Variants in LUZP2 observed in about 807,000 individuals in gnomAD.
LUZP2 encodes the protein leucine zipper protein 2.
Under a neutral mutation model 51.6 loss-of-function variants are expected in LUZP2, and 52 were observed. The observed-to-expected ratio is 1.01, with a 90% confidence interval of 0.81 to 1.27. The LOEUF (loss-of-function observed/expected upper bound fraction) is 1.27, where lower values mean the gene tolerates loss of function less well. Among genes scored for constraint, LUZP2 ranks in the 50% most tolerant of loss-of-function variants. The probability of loss-of-function intolerance (pLI) is 0.00; values close to 1 mark genes in which losing one functional copy is unlikely to be tolerated. For missense variants in LUZP2, 436 were observed against 395.4 expected (o/e 1.10, Z -0.87); for synonymous variants, 154 against 137.3 (o/e 1.12, Z -0.85).
chr11:24,948,687 C>T (rs1044325969), intron 7 of LUZP2, among the ~76,000 whole-genome samples: 4 of 151,620 alleles, frequency 2.6e-5, no homozygotes, highest in Non-Finnish European at 5.9e-5. Context: ...CCTTGTGAAC[C>T]CACCGCTTAT....
intron 1 of LUZP2, among the ~76,000 whole-genome samples, chr11:24,676,041 A>T (rs568242566): frequency 1.7e-4 from 26 of 151,742 alleles, no homozygotes; most frequent in Non-Finnish European, 3.4e-4. Flanking sequence ...CTAGTCTCGA[A>T]CTCCTAACCT....
intron 1 of LUZP2, among the ~76,000 whole-genome samples, chr11:24,556,449 T>C (rs762444210): frequency 1.3e-5 from 2 of 152,112 alleles, no homozygotes; most frequent in Non-Finnish European, 2.9e-5. Flanking sequence ...TGACATATTA[T>C]ATCAAAGAAA....
At chr11:24,554,468 T>C (rs1043144394) in intron 1 of LUZP2, among the ~76,000 whole-genome samples, 1 of 152,114 alleles carries the variant, frequency 6.6e-6, no homozygotes, top group Non-Finnish European at 1.5e-5. Flanking sequence ...TTAGATTTTA[T>C]AACATAATTA....
chr11:24,795,149 G>A (rs1359661328), intron 5 of LUZP2, among the ~76,000 whole-genome samples: 1 of 151,986 alleles, frequency 6.6e-6, no homozygotes, highest in Non-Finnish European at 1.5e-5. Context: ...GTAATCATAT[G>A]GACAATATAC....
At chr11:24,690,594 T>C (rs919030465) in intron 1 of LUZP2, among the ~76,000 whole-genome samples, 5 of 152,176 alleles carry the variant, frequency 3.3e-5, no homozygotes, top group African/African-American at 1.2e-4. Context: ...TGCTTCCTTT[T>C]GTGTCTAATA....
chr11:24,854,817 A>G (rs892300199), intron 5 of LUZP2, among the ~76,000 whole-genome samples: 1 of 152,138 alleles, frequency 6.6e-6, no homozygotes, highest in African/African-American at 2.4e-5. Flanking sequence ...GAAAAACATA[A>G]TATCTGGGCT....
chr11:24,615,330 C>A (rs369909252), intron 1 of LUZP2, among the ~76,000 whole-genome samples: 2 of 151,712 alleles, frequency 1.3e-5, no homozygotes, highest in African/African-American at 4.8e-5. Flanking sequence ...AGTTCTTGAT[C>A]CCTGGCAACC....
chr11:24,940,225 T>C (rs186437422), intron 7 of LUZP2, among the ~76,000 whole-genome samples: 348 of 152,306 alleles, frequency 2.3e-3, no homozygotes, highest in African/African-American at 8.0e-3. Flanking sequence ...GGAAACTATA[T>C]TGCTGCTTAA....
At chr11:24,643,691 G>A (rs1487244350) in intron 1 of LUZP2, among the ~76,000 whole-genome samples, 1 of 152,140 alleles carries the variant, frequency 6.6e-6, no homozygotes, top group Non-Finnish European at 1.5e-5. Context: ...AAGGCTAGTA[G>A]GAGATGGTGG....
intron 1 of LUZP2, among the ~76,000 whole-genome samples, chr11:24,628,653 G>A (rs1233908255): frequency 6.6e-6 from 1 of 152,090 alleles, no homozygotes; most frequent in Non-Finnish European, 1.5e-5. Flanking sequence ...CCACCTCCCA[G>A]GTTCAGGCGA....
At chr11:24,546,543 T>G (rs932571497) in intron 1 of LUZP2, among the ~76,000 whole-genome samples, 5 of 152,086 alleles carry the variant, frequency 3.3e-5, no homozygotes, top group African/African-American at 1.2e-4. Context: ...TGGGTATTGT[T>G]TTTAATTCTG....
intron 1 of LUZP2, among the ~76,000 whole-genome samples, chr11:24,722,500 C>T (rs1165586252): frequency 1.3e-5 from 2 of 152,098 alleles, no homozygotes; most frequent in African/African-American, 4.8e-5. Flanking sequence ...CCACCAGGTT[C>T]CTCCCACAAC....
In LUZP2 at chr11:24,725,504, A is replaced by G. The variant is rs368394747; in HGVS notation, c.63-3665A>G. On this transcript the variant is annotated intron_variant, in intron 1 of 11. Transcript: ENST00000336930. ...GATACATTTTTATAAATGTACATAA[A>G]CTTTTAAATAACATGGGTTGGAGAA... Among the ~76,000 whole-genome samples the G allele has an allele frequency of 7.0e-4, 107 of 152,224 alleles. 2 individuals carry two copies. The South Asian group carries it at 0.015, about 22-fold the overall frequency.
intron 9 of LUZP2, among the ~76,000 whole-genome samples, chr11:24,985,779 G>A (rs767714401): frequency 6.6e-6 from 1 of 151,680 alleles, no homozygotes; most frequent in Non-Finnish European, 1.5e-5. Context: ...CCAAGTGCCC[G>A]TATCCAGTAG....
chr11:25,051,440 C>A (rs2134024176), intron 10 of LUZP2, among the ~76,000 whole-genome samples: 1 of 152,208 alleles, frequency 6.6e-6, no homozygotes, highest in Admixed American at 6.5e-5. Flanking sequence ...AAATAAAATG[C>A]TTGAAATTTA....
intron 1 of LUZP2, among the ~76,000 whole-genome samples, chr11:24,504,295 A>G (rs928416174): frequency 6.6e-6 from 1 of 152,154 alleles, no homozygotes; most frequent in Non-Finnish European, 1.5e-5. Flanking sequence ...GTTCCTAAAT[A>G]TGTTCATACC....
chr11:24,629,431 G>A (rs2133922802), intron 1 of LUZP2, among the ~76,000 whole-genome samples: 1 of 149,212 alleles, frequency 6.7e-6, no homozygotes, highest in East Asian at 2.0e-4. Flanking sequence ...TGGCTGAACA[G>A]TATTCCATTG....
At chr11:24,767,232 A>G (rs370255914) in intron 5 of LUZP2, among the ~76,000 whole-genome samples, 2 of 152,186 alleles carry the variant, frequency 1.3e-5, no homozygotes, top group African/African-American at 4.8e-5. Context: ...TAATTCATAT[A>G]TCAGCAGTTT....
chr11:24,814,400 G>T (rs1426644800), intron 5 of LUZP2, among the ~76,000 whole-genome samples: 2 of 152,174 alleles, frequency 1.3e-5, no homozygotes, highest in Non-Finnish European at 2.9e-5. Flanking sequence ...AGATAAAAGA[G>T]AAGTCTTCAT....
Sources: allele counts gnomAD v4.1 joint callset (sites outside exome capture counted in the v4.1 genomes callset), GRCh38; gene constraint gnomAD v4.1.1; transcripts MANE v1.5; gene names NCBI Gene and HGNC (gene_info 2026-07-23, HGNC 2026-07-21).